The following SSC5D variants were observed in gnomAD, a reference collection of about 807,000 sequenced individuals.
SSC5D encodes the protein soluble scavenger receptor cysteine-rich domain-containing protein SSC5D.
A neutral mutation model predicts 104.6 loss-of-function variants in SSC5D; 106 were observed. That is an observed-to-expected ratio of 1.01 (90% confidence interval 0.87 to 1.19). The LOEUF is 1.19. Ranked by LOEUF, SSC5D falls within the 50% of genes most tolerant of loss-of-function variation. The pLI, the probability that SSC5D is intolerant of heterozygous loss-of-function variation, is 0.00. For synonymous variants in SSC5D, 860 were observed against 883.5 expected (o/e 0.97, Z 0.47); for missense variants, 1,993 against 2,153.8 (o/e 0.93, Z 1.48).
intron 13 of SSC5D, among the ~76,000 whole-genome samples, chr19:55,515,396 CAAAAAA>C (rs71181781): frequency 4.6e-5 from 4 of 86,582 alleles, no homozygotes; most frequent in South Asian, 4.0e-4. Flanking sequence ...AACTCCGTCT[CAAAAAA>C]AAAAAAAAAA....
Position 55,498,278 on chromosome 19 carries a change from TTGAG to T in SSC5D, c.1705+84_1705+87del, listed in dbSNP as rs554726047. 1,039 of 1,415,876 alleles carry T rather than the reference TTGAG, an allele frequency of 7.3e-4. 10 individuals carry two copies. The highest frequency in any genetic ancestry group is 6.8e-3 in the South Asian group (537 of 78,994). 87.7% of individuals were successfully genotyped at this position (1,415,876 alleles called of 1,614,324 possible). A position where few individuals can be genotyped will look rare whatever the true frequency, so the allele number is the denominator to read the frequency against. On this transcript the variant is annotated intron_variant, in intron 9 of 13. Coordinates refer to ENST00000389623, the MANE Select transcript of SSC5D (RefSeq NM_001144950.2). ...TAACTAACATGGGCACTAACATTGA[TTGAG>T]TGCTTCCTAAGCCCCAGCCCTGTGC... is the stretch of plus-strand genomic sequence containing the variant.
At position 55,489,951 on chromosome 19, in the gene SSC5D, T is replaced by G. The variant is rs1599910539; in HGVS notation, c.431T>G (p.Leu144Trp). 6.5e-7 allele frequency: 1 copy of G among 1,549,702 alleles called. No individual in the cohort carries two copies. The highest frequency in any genetic ancestry group is 2.5e-5 in the East Asian group (1 of 40,796). ...PLDGAPWPGL[L>W]LELSPSTEEP... ...GATGGGGCTCCCTGGCCAGGGCTGT[T>G]GCTGGAGCTGAGCCCCAGCACGGAG... The change falls in exon 4 of 14, where the codon TTG becomes TGG. Residue 144 changes from leucine (L) to tryptophan (W), a missense_variant. Around this residue, in one of 6 missense-constraint regions of SSC5D, gnomAD observed 1,101 missense variants for 1,085.0 expected, o/e 1.01. Transcript: ENST00000389623.
chr19:55,504,424 CT>C, intron 12 of SSC5D: 1 of 1,031,474 alleles, frequency 9.7e-7, no homozygotes, highest in Non-Finnish European at 1.3e-6. Context: ...GGCATGCATT[CT>C]TAGCTTCAGG....
chr19:55,489,541 G>A lies in SSC5D; in HGVS notation c.240G>A (p.Gly80=), dbSNP rs899576843. The A allele has an allele frequency of 6.7e-7, 1 of 1,495,500 alleles. No homozygotes were observed. Among genetic ancestry groups the A allele is most frequent in the African/African-American group, 1.4e-5 (1 of 71,812 alleles). The allele number at this position is 1,495,500 out of a possible 1,614,324, so 92.6% of individuals were successfully genotyped here. A position where few individuals can be genotyped will look rare whatever the true frequency, so the allele number is the denominator to read the frequency against. Reference sequence around the variant, plus strand: ...GCGCCTTCTTCGGGGAGGGGGCAGGGCCTGTGTGGCTCAGCGAGCTGGCTT... The same window carrying A: ...GCGCCTTCTTCGGGGAGGGGGCAGGACCTGTGTGGCTCAGCGAGCTGGCTT... ...PGGAFFGEGA[G]PVWLSELACR... is the part of the protein sequence containing the mutation. Residue 80 remains glycine, a synonymous_variant, in exon 3 of 14, where the codon GGG becomes GGA. Transcript: ENST00000389623.
chr19:55,514,441 A>G lies in SSC5D; in HGVS notation c.2947+1269A>G, dbSNP rs1230199143. 4.6e-3 allele frequency among the ~76,000 whole-genome samples: 356 copies of G among 77,610 alleles called. 12 individuals carry two copies. The highest frequency in any genetic ancestry group is 0.021 in the African/African-American group (257 of 12,434). 50.9% of individuals were successfully genotyped at this position (77,610 alleles called of 152,430 possible). A position where few individuals can be genotyped will look rare whatever the true frequency, so the allele number is the denominator to read the frequency against. Reference sequence around the variant, plus strand: ...AATAATAATAATAATAATAATAATAATAATAATAATAATAATAGGTGTGGT... The same window carrying G: ...AATAATAATAATAATAATAATAATAGTAATAATAATAATAATAGGTGTGGT... On this transcript the variant is annotated intron_variant, in intron 13 of 13. Coordinates refer to ENST00000389623, the MANE Select transcript of SSC5D (RefSeq NM_001144950.2).
Position 55,494,756 on chromosome 19 carries a change from G to A in SSC5D, c.1360G>A (p.Val454Ile), listed in dbSNP as rs924569688. 3.6e-5 allele frequency: 56 copies of A among 1,547,068 alleles called. No homozygotes were observed. The highest frequency in any genetic ancestry group is 4.5e-5 in the Non-Finnish European group (52 of 1,144,892). The change falls in exon 8 of 14, where the codon GTC (valine) becomes ATC (isoleucine). Residue 454 changes from valine to isoleucine, a missense_variant. Transcript: ENST00000389623. ...TTCACCTCCTCCAGCCTCCCCTACT[G>A]TCCTTTGGGAGCCTGGACCGGAAGC... ...GVSPPPASPT[V>I]LWEPGPEAGS...
chr19:55,512,255 G>C (rs1268394411), intron 12 of SSC5D, among the ~76,000 whole-genome samples: 1 of 149,018 alleles, frequency 6.7e-6, no homozygotes, highest in African/African-American at 2.5e-5. Flanking sequence ...AGCTAGGACT[G>C]AATTATCATT....
At chr19:55,504,152 G>A (rs148782866) in intron 12 of SSC5D, 1 of 1,535,684 alleles carries the variant, frequency 6.5e-7, no homozygotes, top group Non-Finnish European at 8.7e-7. Flanking sequence ...GATGCTCCTC[G>A]TTCAAGGACT....
chr19:55,490,908 T>C lies in SSC5D; in HGVS notation c.723T>C (p.Cys241=). The part of the protein sequence containing the change: ...DAAVACRELG[C]GGALAAPGGA... ...CTGTAGCCTGCCGGGAACTGGGCTG[T>C]GGGGGGGCGCTGGCTGCCCCCGGCG... is the stretch of plus-strand genomic sequence containing the variant. Residue 241 remains cysteine (C), a synonymous_variant, in exon 6 of 14, where the codon TGT becomes TGC. Transcript: ENST00000389623. 1 of 1,544,868 alleles carries C rather than the reference T, an allele frequency of 6.5e-7. No individual in the cohort carries two copies. The highest frequency in any genetic ancestry group is 8.7e-7 in the Non-Finnish European group (1 of 1,143,948).
At chr19:55,514,249 C>CA (rs1264224828) in intron 13 of SSC5D, among the ~76,000 whole-genome samples, 1 of 151,622 alleles carries the variant, frequency 6.6e-6, no homozygotes, top group Non-Finnish European at 1.5e-5. Flanking sequence ...ACTAACAATA[C>CA]AAAAAATTAG....
chr19:55,488,589 C>T lies in SSC5D; in HGVS notation c.-1C>T. 6 of 1,550,400 alleles carry T rather than the reference C, an allele frequency of 3.9e-6. No individual in the cohort carries two copies. The highest frequency in any genetic ancestry group is 5.2e-6 in the Non-Finnish European group (6 of 1,146,552). ...CCCCATCCCCTGCCCTGGCTGCAAC[C>T]ATGAGGGTCTTGGCCTGCCTCCTTG... On this transcript the variant is annotated 5_prime_UTR_variant, in exon 1 of 14. Transcript: ENST00000389623.
rs1432917104 is a variant in SSC5D, at chr19:55,498,188, A to G, written c.1696A>G (p.Thr566Ala). ...NCAHNEDVGVTCTGPPGLDSI... is the reference protein window; with the variant it reads ...NCAHNEDVGVACTGPPGLDSI... ...CGCTCACAATGAGGATGTTGGGGTC[A>G]CCTGCACTGGTAAGGAGGCCCTAGC... Residue 566 changes from threonine to alanine, a missense_variant, in exon 9 of 14, where the codon ACC becomes GCC. This residue lies in a region of SSC5D where 1,101 missense variants were observed against 1,085.0 expected (regional missense o/e 1.01). Transcript: ENST00000389623. The G allele has an allele frequency of 6.4e-7, 1 of 1,551,746 alleles. No homozygotes were observed. Among genetic ancestry groups the G allele is most frequent in the Admixed American group, 2.0e-5 (1 of 51,002 alleles).
rs1416443482 is a variant in SSC5D, at chr19:55,491,018, C to T, written c.833C>T (p.Pro278Leu). The T allele has an allele frequency of 1.9e-6, 3 of 1,550,174 alleles. No individual in the cohort carries two copies. The highest frequency in any genetic ancestry group is 2.6e-6 in the Non-Finnish European group (3 of 1,146,706). Residue 278 changes from proline (P) to leucine (L), a missense_variant, in exon 6 of 14, where the codon CCC becomes CTC. Pro to Leu is a moderately conservative substitution (Grantham distance 98). Coordinates refer to ENST00000389623, the MANE Select transcript of SSC5D (RefSeq NM_001144950.2). ...GGAGAACAGGCCCTCCGAGACTGCC[C>T]CCGAAGCCCCTGGGGCCGGAGCAAC... ...GGGEQALRDC[P>L]RSPWGRSNCD...
intron 13 of SSC5D, among the ~76,000 whole-genome samples, 163 bp from the exon 14 acceptor site, chr19:55,517,061 A>AG: frequency 6.6e-6 from 1 of 152,200 alleles, no homozygotes; most frequent in East Asian, 1.9e-4. Context: ...CGGAGGACGT[A>AG]GGGAGGAGGG....
At chr19:55,495,596 G>C (rs990710718) in intron 8 of SSC5D, among the ~76,000 whole-genome samples, 2 of 151,842 alleles carry the variant, frequency 1.3e-5, no homozygotes, top group Admixed American at 1.3e-4. Flanking sequence ...CTGAGGTATG[G>C]TGAGGCCAGG....
intron 6 of SSC5D, 109 bp from the exon 7 acceptor site, chr19:55,493,486 A>G: frequency 1.0e-6 from 1 of 988,512 alleles, no homozygotes; most frequent in African/African-American, 1.7e-5. Flanking sequence ...TGAAGATGGA[A>G]TATTTGCTTC....
In SSC5D at chr19:55,496,630, G is replaced by A. The variant is rs138329317; in HGVS notation, c.1388-1250G>A. On this transcript the variant is annotated intron_variant, in intron 8 of 13. Transcript: ENST00000389623. ...AGGTCTCCATGTTACAGATGAGGCAGCACCGCTGAGAAATGGGAGAGCCAG... is the reference window on the plus strand; with the variant it reads ...AGGTCTCCATGTTACAGATGAGGCAACACCGCTGAGAAATGGGAGAGCCAG... Among the ~76,000 whole-genome samples the A allele has an allele frequency of 2.6e-5, 4 of 152,290 alleles. No individual in the cohort carries two copies. The East Asian group carries it at 7.7e-4, about 29-fold the overall frequency.
Position 55,495,901 on chromosome 19 carries a change from A to ATTTTTT in SSC5D, c.1387+1135_1387+1140dup, listed in dbSNP as rs36109915. 9.1e-5 allele frequency among the ~76,000 whole-genome samples: 9 copies of ATTTTTT among 98,710 alleles called. 1 individual carries two copies. Among genetic ancestry groups the ATTTTTT allele is most frequent in the African/African-American group, 1.2e-4 (3 of 24,462 alleles). 64.8% of individuals were successfully genotyped at this position (98,710 alleles called of 152,430 possible). ...CAGCTGCATGCCACCGAGCCTGGCT[A>ATTTTTT]TTTTTTTTTTTTTTTTTTTTTTGTA... On this transcript the variant is annotated intron_variant, in intron 8 of 13. Coordinates refer to ENST00000389623, the MANE Select transcript of SSC5D (RefSeq NM_001144950.2).
Position 55,489,015 on chromosome 19 carries a change from TG to T in SSC5D, c.39del (p.Ile14SerfsTer134). On this transcript the variant is annotated frameshift_variant, in exon 2 of 14. Coordinates refer to ENST00000389623, the MANE Select transcript of SSC5D (RefSeq NM_001144950.2). LOFTEE classifies it high-confidence loss of function. Reference protein sequence around the residue: ...RVLACLLAALVGIQAVERLRL... With the variant: ...RVLACLLAALXGIQAVERLRL... The stretch of plus-strand genomic sequence containing the variant: ...CCGCCCTCCCTTCCAGCGGCCCTGG[TG>T]GGGATCCAGGCTGTTGGTAAGTGCC... 6.7e-7 allele frequency: 1 copy of T among 1,496,236 alleles called. No homozygotes were observed. The highest frequency in any genetic ancestry group is 1.3e-5 in the South Asian group (1 of 77,572). 92.7% of individuals were successfully genotyped at this position (1,496,236 alleles called of 1,614,324 possible).
Sources: allele counts gnomAD v4.1 joint callset (sites outside exome capture counted in the v4.1 genomes callset), GRCh38; gene constraint gnomAD v4.1.1; regional missense constraint gnomAD v4.1.1; transcripts MANE v1.5; gene names NCBI Gene and HGNC (gene_info 2026-07-23, HGNC 2026-07-21).